The following SGPP1 variants were observed in gnomAD, a reference collection of about 807,000 sequenced individuals.
The protein encoded by SGPP1 is hSPP1.
In SGPP1, 21 loss-of-function variants were observed where a neutral mutation model predicts 33.0. The ratio of observed to expected loss-of-function variants is 0.64; its 90% CI spans 0.45 to 0.92. SGPP1 has a LOEUF of 0.92. Ranked by LOEUF, SGPP1 falls within the 40% of genes least tolerant of loss-of-function variation. The pLI is 0.00. For missense variants in SGPP1, 543 were observed against 589.4 expected (o/e 0.92, Z 0.81); for synonymous variants, 239 against 241.2 (o/e 0.99, Z 0.08).
chr14:63,722,363 A>G (rs1885788433), intron 1 of SGPP1, among the ~76,000 whole-genome samples: 1 of 142,716 alleles, frequency 7.0e-6, no homozygotes, highest in Admixed American at 7.1e-5. Flanking sequence ...TCTCTATTGA[A>G]AAAAAAAAAA....
chr14:63,687,354 C>T (rs1043975711), intron 2 of SGPP1, among the ~76,000 whole-genome samples: 7 of 152,114 alleles, frequency 4.6e-5, no homozygotes, highest in African/African-American at 9.7e-5. Flanking sequence ...GCATGAGAAT[C>T]GCTTGAACCC....
intron 2 of SGPP1, among the ~76,000 whole-genome samples, chr14:63,697,073 A>C (rs991223165): frequency 2.0e-5 from 3 of 152,166 alleles, no homozygotes; most frequent in African/African-American, 7.2e-5. Context: ...CCTGTTGGGT[A>C]CTATGTTCAC....
At chr14:63,701,672 G>C (rs7156046) in intron 1 of SGPP1, among the ~76,000 whole-genome samples, 3,249 of 152,074 alleles carry the variant, frequency 0.021, 101 homozygotes, top group African/African-American at 0.073. Context: ...GTAGAGCCTG[G>C]GAGGCCACCA....
intron 2 of SGPP1, among the ~76,000 whole-genome samples, chr14:63,696,319 T>C (rs73265705): frequency 0.088 from 13,394 of 152,264 alleles, 1,288 homozygotes; most frequent in African/African-American, 0.24. Flanking sequence ...TTTGAGATTA[T>C]ATATTCAATG....
intron 1 of SGPP1, among the ~76,000 whole-genome samples, chr14:63,707,107 T>C (rs1026078496): frequency 2.8e-5 from 4 of 140,396 alleles, no homozygotes; most frequent in Non-Finnish European, 3.1e-5. Context: ...ATGAGAAAAA[T>C]ATAATTTAAA....
At chr14:63,693,607 TATTA>T (rs1885129997) in intron 2 of SGPP1, among the ~76,000 whole-genome samples, 1 of 152,280 alleles carries the variant, frequency 6.6e-6, no homozygotes, top group East Asian at 1.9e-4. Context: ...GTTAGCTTTT[TATTA>T]ATTATTTTTA....
At chr14:63,705,097 T>C (rs1595066383) in intron 1 of SGPP1, among the ~76,000 whole-genome samples, 1 of 151,642 alleles carries the variant, frequency 6.6e-6, no homozygotes, top group East Asian at 2.0e-4. Flanking sequence ...ATTGCACTCC[T>C]GCGTGGGTGA....
At chr14:63,716,875 T>C (rs1729119663) in intron 1 of SGPP1, among the ~76,000 whole-genome samples, 1 of 151,958 alleles carries the variant, frequency 6.6e-6, no homozygotes, top group Non-Finnish European at 1.5e-5. Flanking sequence ...GTATTTTTAG[T>C]AGAGAGGAGG....
At chr14:63,692,829 T>C (rs909892136) in intron 2 of SGPP1, among the ~76,000 whole-genome samples, 4 of 152,236 alleles carry the variant, frequency 2.6e-5, no homozygotes, top group Admixed American at 2.6e-4. Context: ...AGAATTCTGA[T>C]CAACTGGATT....
chr14:63,721,299 C>T (rs1166657964), intron 1 of SGPP1, among the ~76,000 whole-genome samples: 1 of 151,990 alleles, frequency 6.6e-6, no homozygotes, highest in Non-Finnish European at 1.5e-5. Flanking sequence ...ACAAAATTAG[C>T]CGGGTGTGGT....
intron 1 of SGPP1, among the ~76,000 whole-genome samples, chr14:63,718,620 CT>C (rs1885681694): frequency 6.6e-6 from 1 of 151,898 alleles, no homozygotes; most frequent in Non-Finnish European, 1.5e-5. Context: ...TTGCAAGGTT[CT>C]GATGCTATAC....
At chr14:63,690,583 T>C (rs1272019491) in intron 2 of SGPP1, among the ~76,000 whole-genome samples, 1 of 152,136 alleles carries the variant, frequency 6.6e-6, no homozygotes, top group Non-Finnish European at 1.5e-5. Flanking sequence ...TTTGGATGGA[T>C]GAATGAATGA....
At chr14:63,706,320 T>C (rs1277937138) in intron 1 of SGPP1, among the ~76,000 whole-genome samples, 2 of 152,152 alleles carry the variant, frequency 1.3e-5, no homozygotes, top group African/African-American at 4.8e-5. Flanking sequence ...GGTTCCCTTT[T>C]GGGGTGATAA....
chr14:63,699,817 C>T (rs1206941665), intron 1 of SGPP1, among the ~76,000 whole-genome samples: 1 of 151,770 alleles, frequency 6.6e-6, no homozygotes, highest in East Asian at 1.9e-4. Context: ...TAAATACCCT[C>T]GATAGTCATA....
intron 1 of SGPP1, among the ~76,000 whole-genome samples, chr14:63,722,950 C>A (rs919219011): frequency 7.0e-6 from 1 of 143,786 alleles, no homozygotes; most frequent in East Asian, 2.0e-4. Flanking sequence ...CCAGTCTGAG[C>A]GACAGAGTAA....
At chr14:63,688,315 CAAAAAAAAAAAAAAAAA>C (rs71120275) in intron 2 of SGPP1, among the ~76,000 whole-genome samples, 1 of 31,432 alleles carries the variant, frequency 3.2e-5, no homozygotes, top group South Asian at 1.2e-3. Context: ...GACTCTGTCT[CAAAAAAAAAAAAAAAAA>C]AAAAAAAAAA....
At chr14:63,725,400 G>A (rs746504218) in intron 1 of SGPP1, among the ~76,000 whole-genome samples, 3 of 152,096 alleles carry the variant, frequency 2.0e-5, no homozygotes, top group Non-Finnish European at 4.4e-5. Context: ...ACAACTAACC[G>A]AAAAATCATG....
intron 1 of SGPP1, among the ~76,000 whole-genome samples, chr14:63,726,891 T>A (rs368708635): frequency 6.6e-6 from 1 of 152,214 alleles, no homozygotes; most frequent in African/African-American, 2.4e-5. Flanking sequence ...ACGGTGAAAC[T>A]GGGTCTTAGT....
chr14:63,697,659 G>A lies in SGPP1; in HGVS notation c.774+910C>T, dbSNP rs114345821. Among the ~76,000 whole-genome samples, 839 of 152,272 alleles carry A rather than the reference G, an allele frequency of 5.5e-3. 10 individuals carry two copies. Among genetic ancestry groups the A allele is most frequent in the African/African-American group, 0.02 (815 of 41,556 alleles). On this transcript the variant is annotated intron_variant, in intron 2 of 2. Coordinates refer to ENST00000247225, the MANE Select transcript of SGPP1 (RefSeq NM_030791.4). Reference sequence around the variant, plus strand: ...GGGGAAGGGTCACCTCACAAGTCTTGAGAAAGAGAAGATGGGGAAGGTAAT... The same window carrying A: ...GGGGAAGGGTCACCTCACAAGTCTTAAGAAAGAGAAGATGGGGAAGGTAAT...
Sources: gnomAD v4.1 joint callset for allele counts (sites outside exome capture counted in the v4.1 genomes callset) on GRCh38, gnomAD v4.1.1 for gene constraint, MANE v1.5 for transcripts, NCBI Gene and HGNC (gene_info 2026-07-23, HGNC 2026-07-21) for gene names.